The following SCN10A variants were observed in gnomAD, a reference collection of about 807,000 sequenced individuals.
The protein encoded by SCN10A is sodium voltage-gated channel alpha subunit 10, also known as sodium channel protein type 10 subunit alpha.
In SCN10A, 162 loss-of-function variants were observed where a neutral mutation model predicts 170.7. The ratio of observed to expected loss-of-function variants is 0.95; its 90% CI spans 0.84 to 1.08. The LOEUF is 1.08. Among genes scored for constraint, SCN10A ranks in the 50% least tolerant of loss-of-function variants. The pLI is 0.00. For missense variants in SCN10A, 2,527 were observed against 2,436.9 expected (o/e 1.04, Z -0.78); for synonymous variants, 985 against 904.6 (o/e 1.09, Z -1.59).
chr3:38,711,884 C>T (rs1456216006), intron 23 of SCN10A, among the ~76,000 whole-genome samples: 3 of 152,206 alleles, frequency 2.0e-5, no homozygotes, highest in Admixed American at 2.0e-4. Flanking sequence ...TGTACAGGTT[C>T]TGTGTTTTAA....
intron 16 of SCN10A, among the ~76,000 whole-genome samples, chr3:38,728,297 G>T (rs1376814847): frequency 1.3e-5 from 2 of 152,134 alleles, no homozygotes; most frequent in African/African-American, 2.4e-5. Flanking sequence ...CCTAGTAAAT[G>T]GTGGAGCAGA....
chr3:38,736,966 T>G (rs1010254116), intron 15 of SCN10A, among the ~76,000 whole-genome samples: 2 of 68,460 alleles, frequency 2.9e-5, no homozygotes, highest in Admixed American at 2.8e-4. Flanking sequence ...AATGTTCGTT[T>G]TTTTTTTTTT....
chr3:38,734,460 A>C (rs1410305685), intron 15 of SCN10A, among the ~76,000 whole-genome samples: 3 of 152,272 alleles, frequency 2.0e-5, no homozygotes, highest in Admixed American at 2.0e-4. Flanking sequence ...AATTTTTAGC[A>C]AACTAAATCT....
chr3:38,697,912 T>A lies in SCN10A; in HGVS notation c.5308A>T (p.Thr1770Ser). 6.2e-7 allele frequency: 1 copy of A among 1,613,860 alleles called. No homozygotes were observed. Among genetic ancestry groups the A allele is most frequent in the Non-Finnish European group, 8.5e-7 (1 of 1,179,980 alleles). ...GGGATTCTCAGGGGACCAGAGAGAGTGTCTGCAAAGTCCGAGAGAGCAGAA... is the reference window on the plus strand; with the variant it reads ...GGGATTCTCAGGGGACCAGAGAGAGAGTCTGCAAAGTCCGAGAGAGCAGAA... ...TFSALSDFAD[T>S]LSGPLRIPKP... The change falls in exon 28 of 28, where the codon ACT becomes TCT. Residue 1770 changes from threonine to serine, a missense_variant. Physicochemically the swap from Thr to Ser is moderately conservative, Grantham distance 58. Coordinates refer to ENST00000449082, the MANE Select transcript of SCN10A (RefSeq NM_006514.4).
intron 22 of SCN10A, 148 bp downstream of exon 22, chr3:38,713,810 C>T (rs2063301159): frequency 2.4e-6 from 2 of 849,244 alleles, no homozygotes; most frequent in Admixed American, 2.7e-5. Flanking sequence ...GTACTTTTAG[C>T]AGAGACAGGG....
At chr3:38,812,419 TC>T (rs1221254846) in intron 1 of SCN10A, among the ~76,000 whole-genome samples, 1 of 152,188 alleles carries the variant, frequency 6.6e-6, no homozygotes, top group Non-Finnish European at 1.5e-5. Flanking sequence ...AACACATCAT[TC>T]TTGGGGAGTG....
intron 15 of SCN10A, among the ~76,000 whole-genome samples, chr3:38,729,597 G>C (rs2126004104): frequency 6.6e-6 from 1 of 152,338 alleles, no homozygotes; most frequent in Non-Finnish European, 1.5e-5. Flanking sequence ...ACTGAGAAAA[G>C]ATGAAGTCTC....
intron 15 of SCN10A, among the ~76,000 whole-genome samples, chr3:38,736,963 G>GTTTTTTTTTTTTTGT (rs2063568667): frequency 2.1e-5 from 1 of 46,684 alleles, no homozygotes; most frequent in African/African-American, 1.0e-4. Context: ...AGAAATGTTC[G>GTTTTTTTTTTTTTGT]TTTTTTTTTT....
chr3:38,792,597 T>C (rs6599259), intron 2 of SCN10A, among the ~76,000 whole-genome samples: 115,736 of 152,190 alleles, frequency 0.76, 44,246 homozygotes, highest in South Asian at 0.81. Flanking sequence ...GTCTCTTAAA[T>C]CCTCTCCTGG....
At chr3:38,756,035 T>C in intron 10 of SCN10A, 77 bp from the exon 11 acceptor site, 4 of 1,494,118 alleles carry the variant, frequency 2.7e-6, no homozygotes, top group Non-Finnish European at 3.7e-6. Flanking sequence ...AGACATGGGG[T>C]GCCAGGGGTG....
intron 14 of SCN10A, among the ~76,000 whole-genome samples, chr3:38,740,522 T>C (rs1559435891): frequency 6.6e-6 from 1 of 152,094 alleles, no homozygotes; most frequent in East Asian, 1.9e-4. Flanking sequence ...ATTCAAAGAG[T>C]ATCTATGGAG....
intron 11 of SCN10A, among the ~76,000 whole-genome samples, chr3:38,753,016 T>C (rs1456702866): frequency 1.3e-5 from 2 of 152,228 alleles, no homozygotes; most frequent in Admixed American, 6.5e-5. Context: ...TCTGTATGAA[T>C]GTGAGAGTTT....
rs1169814224 is a variant in SCN10A at position 38,728,641 on chromosome 3, A to G, written c.2541T>C (p.Cys847=). 6.2e-7 allele frequency: 1 copy of G among 1,614,192 alleles called. No individual in the cohort carries two copies. Among genetic ancestry groups the G allele is most frequent in the Non-Finnish European group, 8.5e-7 (1 of 1,180,026 alleles). The change falls in exon 16 of 28, where the codon TGT becomes TGC. Residue 847 remains cysteine (C), a synonymous_variant. Transcript: ENST00000449082. ...HSFLIVFRIL[C]GEWIENMWAC... is the part of the protein sequence containing the mutation. ...CCCACATGTTCTCAATCCACTCTCC[A>G]CAGAGGATACGGAAGACAATGAGGA...
intron 20 of SCN10A, among the ~76,000 whole-genome samples, chr3:38,719,891 G>T (rs960801934): frequency 2.0e-5 from 3 of 152,216 alleles, no homozygotes; most frequent in Non-Finnish European, 4.4e-5. Context: ...GGGAGTGTCG[G>T]CTGCTAATAG....
intron 1 of SCN10A, among the ~76,000 whole-genome samples, chr3:38,812,123 A>G (rs2064444992): frequency 6.6e-6 from 1 of 152,254 alleles, no homozygotes; most frequent in Admixed American, 6.5e-5. Flanking sequence ...CTTTTAAAAA[A>G]TGTGATCACA....
intron 11 of SCN10A, among the ~76,000 whole-genome samples, chr3:38,752,955 T>C (rs1260625765): frequency 1.3e-5 from 2 of 152,208 alleles, no homozygotes; most frequent in Non-Finnish European, 2.9e-5. Flanking sequence ...GTTGAATGAA[T>C]AAGTGCACTT....
intron 13 of SCN10A, among the ~76,000 whole-genome samples, chr3:38,747,798 C>T (rs569020006): frequency 7.5e-4 from 115 of 152,352 alleles, no homozygotes; most frequent in African/African-American, 2.7e-3. Flanking sequence ...CGAACTTTCT[C>T]CTCAGCTTCT....
chr3:38,715,806 G>A (rs1055836093), intron 21 of SCN10A, among the ~76,000 whole-genome samples: 4 of 152,212 alleles, frequency 2.6e-5, no homozygotes, highest in African/African-American at 9.6e-5. Context: ...TGTCTTGTCT[G>A]CTGAAAGACT....
chr3:38,719,865 CT>C (rs1368043263), intron 20 of SCN10A, among the ~76,000 whole-genome samples: 4 of 152,358 alleles, frequency 2.6e-5, no homozygotes, highest in Admixed American at 2.6e-4. Context: ...GCCAGTGCCC[CT>C]ATCCTTCATC....
Sources: allele counts gnomAD v4.1 joint callset (sites outside exome capture counted in the v4.1 genomes callset), GRCh38; gene constraint gnomAD v4.1.1; transcripts MANE v1.5; gene names NCBI Gene and HGNC (gene_info 2026-07-23, HGNC 2026-07-21).